NES: variants seen among roughly 807,000 people sequenced by gnomAD.
The protein encoded by NES is nestin.
A neutral mutation model predicts 35.6 loss-of-function variants in NES; 27 were observed. The ratio of observed to expected loss-of-function variants is 0.76; its 90% CI spans 0.56 to 1.04. NES has a LOEUF of 1.04. Among genes scored for constraint, NES ranks in the 50% least tolerant of loss-of-function variants. NES has a pLI of 0.00. For missense variants in NES, 1,867 were observed against 1,983.6 expected (o/e 0.94, Z 1.12); for synonymous variants, 822 against 824.2 (o/e 1.00, Z 0.04).
chr1:156,673,545 A>G lies in NES; in HGVS notation c.909-18T>C. 3.2e-6 allele frequency: 5 copies of G among 1,586,486 alleles called. No homozygotes were observed. The highest frequency in any genetic ancestry group is 4.3e-6 in the Non-Finnish European group (5 of 1,160,752). On this transcript the variant is annotated intron_variant, in intron 2 of 3. Coordinates refer to ENST00000368223, the MANE Select transcript of NES (RefSeq NM_006617.2). ...GGAGGGTCCTGGAGAGGACAGAGGG[A>G]AAGTGGGGTCAGCCCTCTGCCCCCA... is the stretch of plus-strand genomic sequence containing the variant.
chr1:156,673,425 T>G, intron 3 of NES, 29 bp downstream of exon 3: 1 of 1,597,714 alleles, frequency 6.3e-7, no homozygotes, highest in South Asian at 1.1e-5. Flanking sequence ...GCAGGGTAGT[T>G]TCTGGGGGAA....
chr1:156,670,290 G>A lies in NES; in HGVS notation c.3898C>T (p.Pro1300Ser). 2.5e-6 allele frequency: 4 copies of A among 1,611,978 alleles called. No homozygotes were observed. Among genetic ancestry groups the A allele is most frequent in the Non-Finnish European group, 3.4e-6 (4 of 1,178,736 alleles). ...GGGGACCTGAGGTAGAAGCCCAGGGGAGTGGAGTCTGGAAGGGTCTCCCCG... is the reference window on the plus strand; with the variant it reads ...GGGGACCTGAGGTAGAAGCCCAGGGAAGTGGAGTCTGGAAGGGTCTCCCCG... ...ELGETLPDST[P>S]LGFYLRSPTS... The change falls in exon 4 of 4, where the codon CCC becomes TCC. Residue 1300 changes from proline (P) to serine (S), a missense_variant. Coordinates refer to ENST00000368223, the MANE Select transcript of NES (RefSeq NM_006617.2).
chr1:156,673,399 G>C, intron 3 of NES, 55 bp downstream of exon 3: 7 of 1,517,362 alleles, frequency 4.6e-6, no homozygotes, highest in South Asian at 3.4e-5. Flanking sequence ...AGATAGGTCT[G>C]GGTATGAAGA....
rs749925369 is a variant in NES at position 156,671,558 on chromosome 1, T to C, written c.2630A>G (p.Asn877Ser). The C allele has an allele frequency of 1.5e-5, 24 of 1,613,998 alleles. No homozygotes were observed. Among genetic ancestry groups the C allele is most frequent in the Non-Finnish European group, 2.0e-5 (24 of 1,180,020 alleles). ...TTCCAGGAGTCTGAATGTCTCTTGG[T>C]TCACTTCCACAGACTCCAGTGGTTC... Reference protein sequence around the residue: ...IQEPLESVEVNQETFRLLEEE... With the variant: ...IQEPLESVEVSQETFRLLEEE... Residue 877 changes from asparagine (N) to serine (S), a missense_variant, in exon 4 of 4, where the codon AAC (asparagine) becomes AGC (serine). By Grantham distance (46) the Asn-to-Ser change is conservative. Transcript: ENST00000368223.
In NES at chr1:156,672,669, T is replaced by C. The variant is rs770099117; in HGVS notation, c.1519A>G (p.Lys507Glu). 4 of 1,613,772 alleles carry C rather than the reference T, an allele frequency of 2.5e-6. No individual in the cohort carries two copies. In the South Asian group the frequency reaches 4.4e-5, roughly 18 times the overall value. The change falls in exon 4 of 4, where the codon AAA becomes GAA. Residue 507 changes from lysine (K) to glutamate (E), a missense_variant. Lys to Glu is a moderately conservative substitution (Grantham distance 56, BLOSUM62 1). Transcript: ENST00000368223. ...GEGQIWGLVE[K>E]ETAIEGKVVS... ...ACTTTGCCCTCTATGGCTGTTTCTT[T>C]CTCTACCAACCCCCAGATTTGCCCT... is the stretch of plus-strand genomic sequence containing the variant.
In NES at chr1:156,676,809, G is replaced by A. The variant is rs753438799; in HGVS notation, c.456C>T (p.Asn152=). The change falls in exon 1 of 4, where the codon AAC becomes AAT. Residue 152 remains asparagine, a synonymous_variant. Coordinates refer to ENST00000368223, the MANE Select transcript of NES (RefSeq NM_006617.2). The surrounding 1 kb of genome is among the most constrained non-coding windows in gnomAD (Gnocchi z 5.3). ...VAHEEERVGL[N]AQAACAPRCP... ...AGCGGGGGGCACAGGCAGCCTGCGCGTTCAGGCCGACGCGCTCCTCCTCGT... is the reference window on the plus strand; with the variant it reads ...AGCGGGGGGCACAGGCAGCCTGCGCATTCAGGCCGACGCGCTCCTCCTCGT... The A allele has an allele frequency of 2.1e-6, 3 of 1,420,498 alleles. No individual in the cohort carries two copies. Among genetic ancestry groups the A allele is most frequent in the Admixed American group, 3.4e-5 (1 of 29,706 alleles). The allele number at this position is 1,420,498 out of a possible 1,614,324, so 88.0% of individuals were successfully genotyped here.
In NES at chr1:156,670,963, A is replaced by T. The variant is rs1175471186; in HGVS notation, c.3225T>A (p.Gly1075=). The T allele has an allele frequency of 6.2e-7, 1 of 1,607,036 alleles. No homozygotes were observed. The highest frequency in any genetic ancestry group is 1.4e-5 in the African/African-American group (1 of 73,116). ...PLVEDDVAPG[G]DQASPEVMLG... The stretch of plus-strand genomic sequence containing the variant: ...ACATGACCTCTGGGGAGGCTTGGTC[A>T]CCCCCTGGGGCCACATCATCTTCCA... Residue 1075 remains glycine, a synonymous_variant, in exon 4 of 4, where the codon GGT becomes GGA. Coordinates refer to ENST00000368223, the MANE Select transcript of NES (RefSeq NM_006617.2).
rs376728913 is a variant in NES at position 156,669,282 on chromosome 1, C to T, written c.*40G>A. On this transcript the variant is annotated 3_prime_UTR_variant, in exon 4 of 4. Coordinates refer to ENST00000368223, the MANE Select transcript of NES (RefSeq NM_006617.2). The stretch of plus-strand genomic sequence containing the variant: ...GGCTTGGAGGCGTCCTTCCCCTCCC[C>T]GCACCCCTAAGTCCCCAGTGCCGGG... 42 of 1,443,874 alleles carry T rather than the reference C, an allele frequency of 2.9e-5. No individual in the cohort carries two copies. The highest frequency in any genetic ancestry group is 2.8e-4 in the African/African-American group (20 of 70,480). 89.4% of individuals were successfully genotyped at this position (1,443,874 alleles called of 1,614,324 possible).
chr1:156,677,343 G>A lies in NES; in HGVS notation c.-79C>T, dbSNP rs988362240. On this transcript the variant is annotated 5_prime_UTR_variant, in exon 1 of 4. Coordinates refer to ENST00000368223, the MANE Select transcript of NES (RefSeq NM_006617.2). This position sits in a 1 kb window ranked among gnomAD's most constrained non-coding sequence, Gnocchi z 4.5. Reference sequence around the variant, plus strand: ...AGCGGCTCGCAGAGCTTTTAGGACGGAAGAGAAAAGAGACCGACGGGGACA... The same window carrying A: ...AGCGGCTCGCAGAGCTTTTAGGACGAAAGAGAAAAGAGACCGACGGGGACA... 6.4e-6 allele frequency: 4 copies of A among 629,028 alleles called. No individual in the cohort carries two copies. The highest frequency in any genetic ancestry group is 9.5e-6 in the Non-Finnish European group (4 of 418,942). The allele number at this position is 629,028 out of a possible 1,614,324, so 39.0% of individuals were successfully genotyped here.
rs767342830 is a variant in NES, at chr1:156,671,776, T to C, written c.2412A>G (p.Gln804=). The change falls in exon 4 of 4, where the codon CAA becomes CAG. Residue 804 remains glutamine, a synonymous_variant. Coordinates refer to ENST00000368223, the MANE Select transcript of NES (RefSeq NM_006617.2). ...EIARPLENEN[Q]EFLKSLKEES... is the part of the protein sequence containing the mutation. ...CTTCTTTGAGTGACTTTAAGAACTC[T>C]TGATTCTCATTTTCAAGAGGTCTAG... is the stretch of plus-strand genomic sequence containing the variant. 1.9e-6 allele frequency: 3 copies of C among 1,614,136 alleles called. No homozygotes were observed. In the South Asian group the frequency reaches 3.3e-5, roughly 18 times the overall value.
At position 156,671,573 on chromosome 1, in the gene NES, T is replaced by C; in HGVS notation, c.2615A>G (p.Glu872Gly). 6.2e-7 allele frequency: 1 copy of C among 1,613,976 alleles called. No individual in the cohort carries two copies. The highest frequency in any genetic ancestry group is 8.5e-7 in the Non-Finnish European group (1 of 1,180,030). The stretch of plus-strand genomic sequence containing the variant: ...TGTCTCTTGGTTCACTTCCACAGAC[T>C]CCAGTGGTTCTTGAATTTCCTTTTC... ...PLEKEIQEPL[E>G]SVEVNQETFR... The change falls in exon 4 of 4, where the codon GAG becomes GGG. Residue 872 changes from glutamate (E) to glycine (G), a missense_variant. Physicochemically the swap from Glu to Gly is moderately conservative, Grantham distance 98 (BLOSUM62 -2). Coordinates refer to ENST00000368223, the MANE Select transcript of NES (RefSeq NM_006617.2).
chr1:156,674,251 G>T (rs1407118882), intron 2 of NES, among the ~76,000 whole-genome samples: 1 of 151,804 alleles, frequency 6.6e-6, no homozygotes. Context: ...AACCAAAGAG[G>T]GGAGCAGGGA....
Position 156,669,504 on chromosome 1 carries a change from C to T in NES, c.4684G>A (p.Glu1562Lys). The change falls in exon 4 of 4, where the codon GAA (glutamate) becomes AAA (lysine). Residue 1562 changes from glutamate to lysine, a missense_variant. Transcript: ENST00000368223. ...GVMNGLEQSE[E>K]VGQGMPLVSE... ...ACTAGCGGCATTCCTTGCCCCACTT[C>T]CTCAGACTGCTCCAGCCCGTTCATC... 1 of 1,613,076 alleles carries T rather than the reference C, an allele frequency of 6.2e-7. No individual in the cohort carries two copies. Among genetic ancestry groups the T allele is most frequent in the Non-Finnish European group, 8.5e-7 (1 of 1,179,306 alleles).
Position 156,676,910 on chromosome 1 carries a change from C to T in NES, c.355G>A (p.Glu119Lys), listed in dbSNP as rs1474520233. 6.4e-7 allele frequency: 1 copy of T among 1,555,912 alleles called. No individual in the cohort carries two copies. Among genetic ancestry groups the T allele is most frequent in the African/African-American group, 1.4e-5 (1 of 71,958 alleles). Residue 119 changes from glutamate (E) to lysine (K), a missense_variant, in exon 1 of 4, where the codon GAG becomes AAG. Coordinates refer to ENST00000368223, the MANE Select transcript of NES (RefSeq NM_006617.2). This position sits in a 1 kb window ranked among gnomAD's most constrained non-coding sequence, Gnocchi z 5.3. ...VARNRRAVEAEKCARAWLSSQ... is the reference protein window; with the variant it reads ...VARNRRAVEAKKCARAWLSSQ... ...CTCAGCCAGGCCCGGGCGCATTTCT[C>T]TGCCTCGACGGCGCGCCGGTTGCGG...
Position 156,676,775 on chromosome 1 carries a change from G to A in NES, c.490C>T (p.Pro164Ser). The A allele has an allele frequency of 7.3e-7, 1 of 1,366,808 alleles. No homozygotes were observed. The highest frequency in any genetic ancestry group is 1.8e-5 in the South Asian group (1 of 56,710). The allele number at this position is 1,366,808 out of a possible 1,614,324, so 84.7% of individuals were successfully genotyped here. A position where few individuals can be genotyped will look rare whatever the true frequency, so the allele number is the denominator to read the frequency against. Residue 164 changes from proline to serine, a missense_variant, in exon 1 of 4, where the codon CCG becomes TCG. By Grantham distance (74) the Pro-to-Ser change is moderately conservative. Transcript: ENST00000368223. This position sits in a 1 kb window ranked among gnomAD's most constrained non-coding sequence, Gnocchi z 5.3. ...GCCGGCGCGGGAGGCCCGCGGGGCG[G>A]CGCGGGGCAGCGGGGGGCACAGGCA... ...QAACAPRCPA[P>S]PRGPPAPAPE...
At position 156,670,008 on chromosome 1, in the gene NES, G is replaced by A. The variant is rs751286731; in HGVS notation, c.4180C>T (p.Pro1394Ser). 1.9e-6 allele frequency: 3 copies of A among 1,613,824 alleles called. No homozygotes were observed. Among genetic ancestry groups the A allele is most frequent in the Non-Finnish European group, 2.5e-6 (3 of 1,179,994 alleles). ...GEVAEPLGQV[P>S]QLLLDPAAWD... ...GCTGCAGGATCCAGTAGCAGCTGGG[G>A]CACCTGGCCCAGAGGTTCTGCCACC... Residue 1394 changes from proline (P) to serine (S), a missense_variant, in exon 4 of 4, where the codon CCC becomes TCC. Transcript: ENST00000368223.
rs964004595 is a variant in NES at position 156,673,513 on chromosome 1, G to C, written c.923C>G (p.Ala308Gly). The change falls in exon 3 of 4, where the codon GCT becomes GGT. Residue 308 changes from alanine (A) to glycine (G), a missense_variant. Ala to Gly is a moderately conservative substitution (Grantham distance 60). Transcript: ENST00000368223. The stretch of plus-strand genomic sequence containing the variant: ...AGGTGTTTGCAGCCGGGAGTTCTCA[G>C]CCTCCAGGAGGGTCCTGGAGAGGAC... ...EVATYRTLLE[A>G]ENSRLQTPGG... The C allele has an allele frequency of 6.2e-7, 1 of 1,612,368 alleles. No homozygotes were observed. Among genetic ancestry groups the C allele is most frequent in the East Asian group, 2.2e-5 (1 of 44,844 alleles).
In NES at chr1:156,673,199, T is replaced by C; in HGVS notation, c.989A>G (p.Lys330Arg). 2 of 1,514,418 alleles carry C rather than the reference T, an allele frequency of 1.3e-6. No homozygotes were observed. The highest frequency in any genetic ancestry group is 1.8e-6 in the Non-Finnish European group (2 of 1,131,478). 93.8% of individuals were successfully genotyped at this position (1,514,418 alleles called of 1,614,324 possible). A position where few individuals can be genotyped will look rare whatever the true frequency, so the allele number is the denominator to read the frequency against. Residue 330 changes from lysine (K) to arginine (R), a missense_variant, in exon 4 of 4, where the codon AAG becomes AGG. Coordinates refer to ENST00000368223, the MANE Select transcript of NES (RefSeq NM_006617.2). The part of the protein sequence containing the change: ...SKTSLSFQDP[K>R]LELQFPRTPE... ...GGTCCTAGGGAATTGCAGCTCCAGCTTGGGGTCTGGAAAGGCAGAGGGGGA... is the reference window on the plus strand; with the variant it reads ...GGTCCTAGGGAATTGCAGCTCCAGCCTGGGGTCTGGAAAGGCAGAGGGGGA...
rs1475551386 is a variant in NES, at chr1:156,673,014, G to C, written c.1174C>G (p.Pro392Ala). Residue 392 changes from proline (P) to alanine (A), a missense_variant, in exon 4 of 4, where the codon CCC becomes GCC. By Grantham distance (27) the Pro-to-Ala change is conservative. Coordinates refer to ENST00000368223, the MANE Select transcript of NES (RefSeq NM_006617.2). The part of the protein sequence containing the change: ...TPTLASTPIP[P>A]TPQAPSPAVD... ...GCAGGAGAGGGTGCCTGAGGTGTGG[G>C]GGGGATGGGGGTGCTGGCCAAGGTA... The C allele has an allele frequency of 1.6e-5, 25 of 1,611,916 alleles. No homozygotes were observed. The highest frequency in any genetic ancestry group is 1.9e-5 in the Non-Finnish European group (22 of 1,178,296).
Sources: allele counts gnomAD v4.1 joint callset (sites outside exome capture counted in the v4.1 genomes callset), GRCh38; gene constraint gnomAD v4.1.1; non-coding constraint Gnocchi (gnomAD v3.1); transcripts MANE v1.5; gene names NCBI Gene and HGNC (gene_info 2026-07-23, HGNC 2026-07-21).